The following ATRNL1 variants were observed in gnomAD, a reference collection of about 807,000 sequenced individuals.
The protein encoded by ATRNL1 is attractin like 1, also known as attractin-like protein 1.
In ATRNL1, 95 loss-of-function variants were observed where a neutral mutation model predicts 182.7. That is an observed-to-expected ratio of 0.52 (90% CI 0.44 to 0.62). ATRNL1 has a LOEUF of 0.62. Ranked by LOEUF, ATRNL1 falls within the 20% of genes least tolerant of loss-of-function variation. The probability of loss-of-function intolerance (pLI) is 0.00; values close to 1 mark genes in which losing one functional copy is unlikely to be tolerated. For synonymous variants in ATRNL1, 576 were observed against 568.3 expected (o/e 1.01, Z -0.19); for missense variants, 1,471 against 1,679.5 (o/e 0.88, Z 2.17).
At chr10:115,502,258 A>G (rs1198292228) in intron 24 of ATRNL1, among the ~76,000 whole-genome samples, 1 of 151,708 alleles carries the variant, frequency 6.6e-6, no homozygotes, top group African/African-American at 2.4e-5. Flanking sequence ...TTTTTATACC[A>G]ATTAAGCCAA....
intron 10 of ATRNL1, among the ~76,000 whole-genome samples, chr10:115,258,039 C>T (rs1013953647): frequency 2.6e-5 from 4 of 152,302 alleles, no homozygotes; most frequent in Admixed American, 2.0e-4. Flanking sequence ...CTGTCCTTAA[C>T]ACTTTTTCCA....
chr10:115,357,320 C>T (rs1856546735), intron 19 of ATRNL1, among the ~76,000 whole-genome samples: 2 of 151,804 alleles, frequency 1.3e-5, no homozygotes, highest in South Asian at 4.1e-4. Context: ...AAACTTTAAA[C>T]ATACTTTTGG....
intron 27 of ATRNL1, among the ~76,000 whole-genome samples, chr10:115,753,152 A>G (rs1221359673): frequency 6.6e-6 from 1 of 151,998 alleles, no homozygotes; most frequent in African/African-American, 2.4e-5. Flanking sequence ...CATATTTTTG[A>G]TAATAAAAAT....
intron 26 of ATRNL1, among the ~76,000 whole-genome samples, chr10:115,602,631 A>C (rs554003590): frequency 1.3e-5 from 2 of 152,276 alleles, no homozygotes; most frequent in African/African-American, 4.8e-5. Context: ...TGGGAGGCCA[A>C]GGTGGGTGGA....
At chr10:115,808,449 C>T (rs1555086134) in intron 27 of ATRNL1, among the ~76,000 whole-genome samples, 1 of 151,960 alleles carries the variant, frequency 6.6e-6, no homozygotes, top group Non-Finnish European at 1.5e-5. Context: ...TGGCTTGTTT[C>T]TAGTTTGGAG....
chr10:115,189,504 G>T (rs1412320435), intron 8 of ATRNL1, among the ~76,000 whole-genome samples: 1 of 152,004 alleles, frequency 6.6e-6, no homozygotes, highest in Non-Finnish European at 1.5e-5. Flanking sequence ...TCCTGACTTT[G>T]TGTAGGCCTA....
At chr10:115,921,626 T>C (rs1953066479) in intron 28 of ATRNL1, among the ~76,000 whole-genome samples, 1 of 152,218 alleles carries the variant, frequency 6.6e-6, no homozygotes, top group South Asian at 2.1e-4. Flanking sequence ...TCTTCTTCTT[T>C]GTTAGGGCTT....
chr10:115,267,886 C>T (rs1005487391), intron 12 of ATRNL1, among the ~76,000 whole-genome samples: 3 of 151,988 alleles, frequency 2.0e-5, no homozygotes, highest in East Asian at 1.9e-4. Flanking sequence ...CTTAGCTTTC[C>T]GAGTAGCTGG....
intron 25 of ATRNL1, among the ~76,000 whole-genome samples, chr10:115,537,821 T>G (rs1852125854): frequency 6.6e-6 from 1 of 152,118 alleles, no homozygotes; most frequent in Admixed American, 6.6e-5. Context: ...TTACCAGCTC[T>G]CCCAGGATAC....
chr10:115,305,511 C>G (rs1853683512), intron 17 of ATRNL1, among the ~76,000 whole-genome samples: 1 of 152,084 alleles, frequency 6.6e-6, no homozygotes. Flanking sequence ...CATAAAATGG[C>G]CTTTGTGCAT....
chr10:115,493,174 G>A (rs1437511526), intron 24 of ATRNL1, among the ~76,000 whole-genome samples: 1 of 152,064 alleles, frequency 6.6e-6, no homozygotes, highest in African/African-American at 2.4e-5. Flanking sequence ...TGGGTAAACT[G>A]TGTTTTGTGG....
intron 24 of ATRNL1, among the ~76,000 whole-genome samples, chr10:115,499,878 C>G (rs113184180): frequency 6.6e-6 from 1 of 152,110 alleles, no homozygotes; most frequent in Non-Finnish European, 1.5e-5. Flanking sequence ...TTTCCTTTCA[C>G]GTTTACTCCT....
At chr10:115,144,625 G>A (rs1845897962) in intron 5 of ATRNL1, among the ~76,000 whole-genome samples, 3 of 152,248 alleles carry the variant, frequency 2.0e-5, no homozygotes, top group East Asian at 1.9e-4. Flanking sequence ...ATTTCTTAAT[G>A]TTATTTCAAT....
At chr10:115,723,871 TAATTCCA>T (rs1947512778) in intron 26 of ATRNL1, among the ~76,000 whole-genome samples, 1 of 152,160 alleles carries the variant, frequency 6.6e-6, no homozygotes, top group Admixed American at 6.6e-5. Flanking sequence ...ATATCATTTT[TAATTCCA>T]TGGTTTGTTT....
rs561514928 is a variant in ATRNL1 at position 115,561,510 on chromosome 10, G to A, written c.3795+11974G>A. Among the ~76,000 whole-genome samples, 9 of 152,140 alleles carry A rather than the reference G, an allele frequency of 5.9e-5. No individual in the cohort carries two copies. In the East Asian group the frequency reaches 1.7e-3, roughly 29 times the overall value. On this transcript the variant is annotated intron_variant, in intron 26 of 28. Transcript: ENST00000355044. ...TTTACATAACATTTGCATTGTATTG[G>A]GCACTATAAGTAATCTAGAAATGAT... is the stretch of plus-strand genomic sequence containing the variant.
intron 26 of ATRNL1, among the ~76,000 whole-genome samples, chr10:115,635,886 C>T (rs1858839014): frequency 6.6e-6 from 1 of 151,948 alleles, no homozygotes; most frequent in Admixed American, 6.6e-5. Context: ...TACATATACA[C>T]AAAGCTAGAA....
intron 10 of ATRNL1, among the ~76,000 whole-genome samples, chr10:115,248,313 ATG>A (rs1387058082): frequency 6.6e-6 from 1 of 152,182 alleles, no homozygotes; most frequent in African/African-American, 2.4e-5. Flanking sequence ...TCAGTAAAAA[ATG>A]TAAAAAAGGA....
intron 22 of ATRNL1, among the ~76,000 whole-genome samples, chr10:115,463,996 G>T (rs887526020): frequency 6.6e-6 from 1 of 151,884 alleles, no homozygotes. Flanking sequence ...GTCCAGATTA[G>T]CCACAATTCT....
chr10:115,565,615 T>C (rs1555001456), intron 26 of ATRNL1, among the ~76,000 whole-genome samples: 1 of 152,116 alleles, frequency 6.6e-6, no homozygotes, highest in African/African-American at 2.4e-5. Context: ...GGAAATTAAC[T>C]TAGAATGACT....
Sources: allele counts gnomAD v4.1 joint callset (sites outside exome capture counted in the v4.1 genomes callset), GRCh38; gene constraint gnomAD v4.1.1; transcripts MANE v1.5; gene names NCBI Gene and HGNC (gene_info 2026-07-23, HGNC 2026-07-21).